The following PCDH8 variants were observed in gnomAD, a reference collection of about 807,000 sequenced individuals.
PCDH8 encodes protocadherin 8.
A neutral mutation model predicts 58.2 loss-of-function variants in PCDH8; 36 were observed. That is an observed-to-expected ratio of 0.62 (90% confidence interval 0.47 to 0.82). The LOEUF is 0.82. Ranked by LOEUF, PCDH8 falls within the 40% of genes least tolerant of loss-of-function variation. The pLI is 0.00. For synonymous variants in PCDH8, 775 were observed against 728.9 expected (o/e 1.06, Z -1.02); for missense variants, 1,493 against 1,567.8 (o/e 0.95, Z 0.81).
rs1328724619 is a variant in PCDH8, at chr13:52,848,254, T to C, written c.183A>G (p.Thr61=). Residue 61 remains threonine (T), a synonymous_variant, in exon 1 of 3, where the codon ACA becomes ACG. Coordinates refer to ENST00000377942, the MANE Select transcript of PCDH8 (RefSeq NM_002590.4). ...TGAATTGCTTCATCAGGCGGAAGCTTGTGTCACCCGATACTTTCATATGCA... is the reference window on the plus strand; with the variant it reads ...TGAATTGCTTCATCAGGCGGAAGCTCGTGTCACCCGATACTTTCATATGCA... ...EDLHMKVSGD[T]SFRLMKQFNS... 6.2e-7 allele frequency: 1 copy of C among 1,613,502 alleles called. No individual in the cohort carries two copies. Among genetic ancestry groups the C allele is most frequent in the African/African-American group, 1.3e-5 (1 of 74,906 alleles).
Position 52,847,442 on chromosome 13 carries a change from C to G in PCDH8, c.995G>C (p.Gly332Ala), listed in dbSNP as rs1177354823. 2 of 1,587,228 alleles carry G rather than the reference C, an allele frequency of 1.3e-6. No individual in the cohort carries two copies. The highest frequency in any genetic ancestry group is 2.8e-5 in the African/African-American group (2 of 72,032). The change falls in exon 1 of 3, where the codon GGG becomes GCG. Residue 332 changes from glycine to alanine, a missense_variant. Physicochemically the swap from Gly to Ala is moderately conservative, Grantham distance 60. Around this residue, in one of 3 missense-constraint regions of PCDH8, gnomAD observed 1,307 missense variants for 1,362.7 expected, o/e 0.96. Transcript: ENST00000377942. ...LDVRAQDRGP[G>A]PRAATCKVIV... The stretch of plus-strand genomic sequence containing the variant: ...GACCTTGCAGGTGGCAGCGCGGGGC[C>G]CGGGTCCGCGGTCCTGCGCCCGCAC...
chr13:52,848,257 G>A lies in PCDH8; in HGVS notation c.180C>T (p.Asp60=). Residue 60 remains aspartate (D), a synonymous_variant, in exon 1 of 3, where the codon GAC becomes GAT. Coordinates refer to ENST00000377942, the MANE Select transcript of PCDH8 (RefSeq NM_002590.4). ...ATTGCTTCATCAGGCGGAAGCTTGTGTCACCCGATACTTTCATATGCAGGT... is the reference window on the plus strand; with the variant it reads ...ATTGCTTCATCAGGCGGAAGCTTGTATCACCCGATACTTTCATATGCAGGT... ...AEDLHMKVSG[D]TSFRLMKQFN... The A allele has an allele frequency of 6.2e-7, 1 of 1,613,698 alleles. No homozygotes were observed. The highest frequency in any genetic ancestry group is 1.1e-5 in the South Asian group (1 of 91,078).
At position 52,846,573 on chromosome 13, in the gene PCDH8, C is replaced by G. The variant is rs1234537063; in HGVS notation, c.1864G>C (p.Ala622Pro). 6.2e-7 allele frequency: 1 copy of G among 1,605,416 alleles called. No individual in the cohort carries two copies. Among genetic ancestry groups the G allele is most frequent in the Admixed American group, 1.7e-5 (1 of 59,876 alleles). ...PAPANGSLEV[A>P]VPGRTAKDTV... is the part of the protein sequence containing the mutation. ...TCCTTTGCGGTGCGCCCAGGCACCG[C>G]CACTTCTAGGGAGCCATTGGCTGGC... Residue 622 changes from alanine to proline, a missense_variant, in exon 1 of 3, where the codon GCG becomes CCG. Ala to Pro is a conservative substitution (Grantham distance 27, BLOSUM62 -1). Transcript: ENST00000377942.
At position 52,846,944 on chromosome 13, in the gene PCDH8, G is replaced by A. The variant is rs1463028012; in HGVS notation, c.1493C>T (p.Thr498Met). The change falls in exon 1 of 3, where the codon ACG (threonine) becomes ATG (methionine). Residue 498 changes from threonine to methionine, a missense_variant. Physicochemically the swap from Thr to Met is moderately conservative, Grantham distance 81. This residue lies in a region of PCDH8 where 1,307 missense variants were observed against 1,362.7 expected (regional missense o/e 0.96). Coordinates refer to ENST00000377942, the MANE Select transcript of PCDH8 (RefSeq NM_002590.4). ...GDENDNAPLF[T>M]RPVYEVSVRE... Reference sequence around the variant, plus strand: ...CACCGACACCTCATAGACCGGCCGCGTGAAGAGCGGCGCGTTGTCGTTCTC... The same window carrying A: ...CACCGACACCTCATAGACCGGCCGCATGAAGAGCGGCGCGTTGTCGTTCTC... The A allele has an allele frequency of 6.3e-7, 1 of 1,596,240 alleles. No individual in the cohort carries two copies. The highest frequency in any genetic ancestry group is 1.1e-5 in the South Asian group (1 of 89,258).
In PCDH8 at chr13:52,847,763, C is replaced by A. The variant is rs1255558102; in HGVS notation, c.674G>T (p.Arg225Leu). Residue 225 changes from arginine (R) to leucine (L), a missense_variant, in exon 1 of 3, where the codon CGC becomes CTC. By Grantham distance (102) the Arg-to-Leu change is moderately radical (BLOSUM62 -2). Around this residue, in one of 3 missense-constraint regions of PCDH8, gnomAD observed 1,307 missense variants for 1,362.7 expected, o/e 0.96. Transcript: ENST00000377942. The part of the protein sequence containing the change: ...LVAQDGGRPP[R>L]SATAALSVRV... ...CACGCTGAGGGCAGCCGTGGCGGAG[C>A]GCGGCGGGCGGCCGCCGTCCTGGGC... 2 of 1,460,156 alleles carry A rather than the reference C, an allele frequency of 1.4e-6. No homozygotes were observed. Among genetic ancestry groups the A allele is most frequent in the Non-Finnish European group, 1.8e-6 (2 of 1,116,054 alleles). 90.4% of individuals were successfully genotyped at this position (1,460,156 alleles called of 1,614,324 possible).
intron 2 of PCDH8, 92 bp downstream of exon 2, chr13:52,845,333 G>C: frequency 8.4e-7 from 1 of 1,184,812 alleles, no homozygotes; most frequent in Non-Finnish European, 1.2e-6. Context: ...AAGAGGGAAG[G>C]GGGCTGGGAA....
rs764299675 is a variant in PCDH8 at position 52,846,122 on chromosome 13, G to C, written c.2315C>G (p.Thr772Ser). The C allele has an allele frequency of 6.3e-7, 1 of 1,582,968 alleles. No individual in the cohort carries two copies. Among genetic ancestry groups the C allele is most frequent in the Non-Finnish European group, 8.5e-7 (1 of 1,171,944 alleles). ...CTCCTTCTTGCGGCGGTTGCAGGTGGTGGCGATGGCGATGATGGCGGCCAG... is the reference window on the plus strand; with the variant it reads ...CTCCTTCTTGCGGCGGTTGCAGGTGCTGGCGATGGCGATGATGGCGGCCAG... Reference protein sequence around the residue: ...LLLAAIIAIATTCNRRKKEVR... With the variant: ...LLLAAIIAIASTCNRRKKEVR... The change falls in exon 1 of 3, where the codon ACC becomes AGC. Residue 772 changes from threonine (T) to serine (S), a missense_variant. Physicochemically the swap from Thr to Ser is moderately conservative, Grantham distance 58. Transcript: ENST00000377942.
rs1385038302 is a variant in PCDH8 at position 52,844,800 on chromosome 13, C to T, written c.2973G>A (p.Thr991=). The change falls in exon 3 of 3, where the codon ACG becomes ACA. Residue 991 remains threonine (T), a synonymous_variant. Coordinates refer to ENST00000377942, the MANE Select transcript of PCDH8 (RefSeq NM_002590.4). ...PAQMSTFCKS[T]SLPRDPLRRD... ...TGCGCAGAGGATCCCGAGGCAGTGACGTGCTCTTACAGAAGGTTGACATCT... is the reference window on the plus strand; with the variant it reads ...TGCGCAGAGGATCCCGAGGCAGTGATGTGCTCTTACAGAAGGTTGACATCT... The T allele has an allele frequency of 1.9e-6, 3 of 1,612,928 alleles. No homozygotes were observed. Among genetic ancestry groups the T allele is most frequent in the Non-Finnish European group, 1.7e-6 (2 of 1,179,526 alleles).
At position 52,848,635 on chromosome 13, in the gene PCDH8, G is replaced by GGCGCA; in HGVS notation, c.-200_-199insTGCGC. 1 of 1,121,396 alleles carries GGCGCA rather than the reference G, an allele frequency of 8.9e-7. No homozygotes were observed. The highest frequency in any genetic ancestry group is 1.2e-6 in the Non-Finnish European group (1 of 836,192). The allele number at this position is 1,121,396 out of a possible 1,614,324, so 69.5% of individuals were successfully genotyped here. A position where few individuals can be genotyped will look rare whatever the true frequency, so the allele number is the denominator to read the frequency against. On this transcript the variant is annotated 5_prime_UTR_variant, in exon 1 of 3. Transcript: ENST00000377942. ...ACTCTGCGCCTCTCCGTCTCTTACAGAAGCTGCGCCGCCTCGCGCCGCCTT... is the reference window on the plus strand; with the variant it reads ...ACTCTGCGCCTCTCCGTCTCTTACAGGCGCAAAGCTGCGCCGCCTCGCGCCGCCTT...
At position 52,848,624 on chromosome 13, in the gene PCDH8, C is replaced by G. The variant is rs760990564; in HGVS notation, c.-188G>C. 36 of 1,175,096 alleles carry G rather than the reference C, an allele frequency of 3.1e-5. No homozygotes were observed. Among genetic ancestry groups the G allele is most frequent in the South Asian group, 1.3e-4 (7 of 52,880 alleles). 72.8% of individuals were successfully genotyped at this position (1,175,096 alleles called of 1,614,324 possible). A position where few individuals can be genotyped will look rare whatever the true frequency, so the allele number is the denominator to read the frequency against. On this transcript the variant is annotated 5_prime_UTR_variant, in exon 1 of 3. Transcript: ENST00000377942. Reference sequence around the variant, plus strand: ...GACCCGCCCTCACTCTGCGCCTCTCCGTCTCTTACAGAAGCTGCGCCGCCT... The same window carrying G: ...GACCCGCCCTCACTCTGCGCCTCTCGGTCTCTTACAGAAGCTGCGCCGCCT...
At position 52,845,790 on chromosome 13, in the gene PCDH8, C is replaced by G. The variant is rs1965720673; in HGVS notation, c.2631+16G>C. ...CGGAGCTCGGAGGGGGGCGCCCAGC[C>G]GAAGGAAGGCCTCACCTCGGCGTGC... On this transcript the variant is annotated intron_variant, in intron 1 of 2. Coordinates refer to ENST00000377942, the MANE Select transcript of PCDH8 (RefSeq NM_002590.4). 6.7e-7 allele frequency: 1 copy of G among 1,497,242 alleles called. No homozygotes were observed. Among genetic ancestry groups the G allele is most frequent in the African/African-American group, 1.4e-5 (1 of 71,686 alleles). The allele number at this position is 1,497,242 out of a possible 1,614,324, so 92.7% of individuals were successfully genotyped here. A position where few individuals can be genotyped will look rare whatever the true frequency, so the allele number is the denominator to read the frequency against.
rs373933829 is a variant in PCDH8, at chr13:52,844,663, C to T, written c.3110G>A (p.Arg1037His). 9.9e-6 allele frequency: 16 copies of T among 1,613,862 alleles called. No individual in the cohort carries two copies. Among genetic ancestry groups the T allele is most frequent in the African/African-American group, 5.3e-5 (4 of 74,898 alleles). ...DRTVTLLSPPRPGRLPDLQEI... is the reference protein window; with the variant it reads ...DRTVTLLSPPHPGRLPDLQEI... Reference sequence around the variant, plus strand: ...CTGCAGGTCTGGGAGCCTCCCTGGACGGGGAGGGGAGAGCAGAGTGACTGT... The same window carrying T: ...CTGCAGGTCTGGGAGCCTCCCTGGATGGGGAGGGGAGAGCAGAGTGACTGT... Residue 1037 changes from arginine to histidine, a missense_variant, in exon 3 of 3, where the codon CGT (arginine) becomes CAT (histidine). Transcript: ENST00000377942.
rs1263760688 is a variant in PCDH8, at chr13:52,844,733, G to C, written c.3040C>G (p.Leu1014Val). 2.5e-6 allele frequency: 4 copies of C among 1,613,934 alleles called. No homozygotes were observed. Among genetic ancestry groups the C allele is most frequent in the Non-Finnish European group, 2.5e-6 (3 of 1,179,898 alleles). The change falls in exon 3 of 3, where the codon CTG becomes GTG. Residue 1014 changes from leucine (L) to valine (V), a missense_variant. Physicochemically the swap from Leu to Val is conservative, Grantham distance 32. Around this residue, in one of 3 missense-constraint regions of PCDH8, gnomAD observed 182 missense variants for 178.9 expected, o/e 1.02. Transcript: ENST00000377942. Reference protein sequence around the residue: ...YQAQLPKTVGLQSVYEKVLHR... With the variant: ...YQAQLPKTVGVQSVYEKVLHR... The stretch of plus-strand genomic sequence containing the variant: ...AGTACTTTCTCATAGACGCTCTGCA[G>C]CCCCACTGTCTTGGGCAGCTGGGCC...
rs1251748830 is a variant in PCDH8 at position 52,844,921 on chromosome 13, C to T, written c.2852G>A (p.Cys951Tyr). 22 of 1,527,574 alleles carry T rather than the reference C, an allele frequency of 1.4e-5. No individual in the cohort carries two copies. The highest frequency in any genetic ancestry group is 2.1e-5 in the Admixed American group (1 of 47,104). 94.6% of individuals were successfully genotyped at this position (1,527,574 alleles called of 1,614,324 possible). A position where few individuals can be genotyped will look rare whatever the true frequency, so the allele number is the denominator to read the frequency against. ...INHMQSGLWA[C>Y]TAECKILGHS... ...GCCCAGGATCTTACACTCAGCGGTG[C>T]ACGCCCACAGTCCTAATACGAAAGG... The change falls in exon 3 of 3, where the codon TGC becomes TAC. Residue 951 changes from cysteine to tyrosine, a missense_variant. Coordinates refer to ENST00000377942, the MANE Select transcript of PCDH8 (RefSeq NM_002590.4).
rs200253716 is a variant in PCDH8 at position 52,845,637 on chromosome 13, A to G, written c.2632-5T>C. 1.9e-6 allele frequency: 3 copies of G among 1,613,766 alleles called. No homozygotes were observed. The Admixed American group carries it at 5.0e-5, about 27-fold the overall frequency. On this transcript the variant is annotated splice_region_variant and splice_polypyrimidine_tract_variant and intron_variant, in intron 1 of 2. Coordinates refer to ENST00000377942, the MANE Select transcript of PCDH8 (RefSeq NM_002590.4). ...ACCCGGGGAGGCACCGTAGGGCTGC[A>G]GCAGGGAATAGGGGAATGGGAGTGG...
At position 52,846,084 on chromosome 13, in the gene PCDH8, C is replaced by A. The variant is rs1198015404; in HGVS notation, c.2353G>T (p.Gly785Trp). 1 of 1,570,162 alleles carries A rather than the reference C, an allele frequency of 6.4e-7. No homozygotes were observed. The highest frequency in any genetic ancestry group is 2.4e-5 in the East Asian group (1 of 41,124). The change falls in exon 1 of 3, where the codon GGG becomes TGG. Residue 785 changes from glycine to tryptophan, a missense_variant. This residue lies in a region of PCDH8 where 1,307 missense variants were observed against 1,362.7 expected (regional missense o/e 0.96). Transcript: ENST00000377942. ...CCGGGCCGCTCTTCCCGGAGGGCCC[C>A]CCCTTTGCGCACCTCCTTCTTGCGG... ...NRRKKEVRKGGALREERPGAA... is the reference protein window; with the variant it reads ...NRRKKEVRKGWALREERPGAA...
chr13:52,847,446 G>A lies in PCDH8; in HGVS notation c.991C>T (p.Pro331Ser), dbSNP rs1376630504. The A allele has an allele frequency of 2.5e-6, 4 of 1,587,606 alleles. No homozygotes were observed. The highest frequency in any genetic ancestry group is 3.4e-6 in the Non-Finnish European group (4 of 1,173,562). Residue 331 changes from proline to serine, a missense_variant, in exon 1 of 3, where the codon CCC (proline) becomes TCC (serine). Pro to Ser is a moderately conservative substitution (Grantham distance 74). This residue lies in a region of PCDH8 where 1,307 missense variants were observed against 1,362.7 expected (regional missense o/e 0.96). Transcript: ENST00000377942. ...ELDVRAQDRG[P>S]GPRAATCKVI... ...TTGCAGGTGGCAGCGCGGGGCCCGGGTCCGCGGTCCTGCGCCCGCACGTCC... is the reference window on the plus strand; with the variant it reads ...TTGCAGGTGGCAGCGCGGGGCCCGGATCCGCGGTCCTGCGCCCGCACGTCC...
rs574319989 is a variant in PCDH8 at position 52,845,836 on chromosome 13, C to T, written c.2601G>A (p.Gly867=). 22 of 1,515,536 alleles carry T rather than the reference C, an allele frequency of 1.5e-5. No individual in the cohort carries two copies. The African/African-American group carries it at 2.9e-4, about 20-fold the overall frequency. 93.9% of individuals were successfully genotyped at this position (1,515,536 alleles called of 1,614,324 possible). Residue 867 remains glycine, a synonymous_variant, in exon 1 of 3, where the codon GGG becomes GGA. Coordinates refer to ENST00000377942, the MANE Select transcript of PCDH8 (RefSeq NM_002590.4). ...ATGESACHFE[G]QQRLRGAHAE... ...CGTGCGCGCCGCGGAGCCGCTGCTG[C>T]CCCTCGAAGTGACAGGCGCTTTCCC...
Position 52,848,101 on chromosome 13 carries a change from C to A in PCDH8, c.336G>T (p.Ser112=), listed in dbSNP as rs765411572. The A allele has an allele frequency of 1.2e-6, 2 of 1,612,840 alleles. No homozygotes were observed. Among genetic ancestry groups the A allele is most frequent in the Non-Finnish European group, 1.7e-6 (2 of 1,179,804 alleles). The change falls in exon 1 of 3, where the codon TCG becomes TCT. Residue 112 remains serine (S), a synonymous_variant. Transcript: ENST00000377942. ...CGTGCACCAGCCGGAACTGCTCCTG[C>A]GAGAAGCTGACCACATCGAAGGCCA... The part of the protein sequence containing the change: ...CVLAFDVVSF[S]QEQFRLVHVE...
Sources: allele counts gnomAD v4.1 joint callset, GRCh38; gene constraint gnomAD v4.1.1; regional missense constraint gnomAD v4.1.1; transcripts MANE v1.5; gene names NCBI Gene and HGNC (gene_info 2026-07-23, HGNC 2026-07-21).